SUSD1: variants seen among roughly 807,000 people sequenced by gnomAD.
SUSD1 encodes sushi domain containing 1, also known as sushi domain-containing protein 1.
SUSD1 carries 65 observed loss-of-function variants against 86.9 expected under a neutral mutation model. That is an observed-to-expected ratio of 0.75 (90% CI 0.61 to 0.92). SUSD1 has a LOEUF of 0.92. Among genes scored for constraint, SUSD1 ranks in the 40% least tolerant of loss-of-function variants. The pLI is 0.00. For synonymous variants in SUSD1, 346 were observed against 350.0 expected, an observed-to-expected ratio of 0.99 and a Z score of 0.13; for missense variants, 850 against 929.7, an observed-to-expected ratio of 0.91 and a Z score of 1.11.
intron 8 of SUSD1, among the ~76,000 whole-genome samples, chr9:112,102,964 TAGA>T (rs1349105909): frequency 1.3e-5 from 2 of 152,180 alleles, no homozygotes; most frequent in Non-Finnish European, 2.9e-5. Context: ...TAATATAGTT[TAGA>T]AGGATAGATT....
chr9:112,155,606 T>C (rs927473498), intron 2 of SUSD1, among the ~76,000 whole-genome samples: 1 of 152,032 alleles, frequency 6.6e-6, no homozygotes, highest in Non-Finnish European at 1.5e-5. Flanking sequence ...TTTTTGTTTG[T>C]TTGTTTTTAG....
intron 15 of SUSD1, among the ~76,000 whole-genome samples, chr9:112,047,043 T>A (rs1027974455): frequency 6.6e-6 from 1 of 152,150 alleles, no homozygotes; most frequent in African/African-American, 2.4e-5. Context: ...CTTCTCACAC[T>A]GCTATAAAGA....
At chr9:112,091,683 G>T (rs918449374) in intron 10 of SUSD1, among the ~76,000 whole-genome samples, 1 of 152,110 alleles carries the variant, frequency 6.6e-6, no homozygotes, top group Non-Finnish European at 1.5e-5. Flanking sequence ...CAACTATCCT[G>T]AAAGCAAAGT....
chr9:112,078,687 A>G lies in SUSD1; in HGVS notation c.1604T>C (p.Phe535Ser). 1 of 1,613,854 alleles carries G rather than the reference A, an allele frequency of 6.2e-7. No individual in the cohort carries two copies. ...IWGQRWYQKE[F>S]AQEMTFNISS... ...GATATTAAAGGTCATTTCCTGGGCA[A>G]ATTCCTTCTGATACCATCTCTGGCC... The change falls in exon 12 of 17, where the codon TTT becomes TCT. Residue 535 changes from phenylalanine to serine, a missense_variant. Phe to Ser is a radical substitution (Grantham distance 155). Coordinates refer to ENST00000374270, the MANE Select transcript of SUSD1 (RefSeq NM_022486.5).
chr9:112,123,344 C>T lies in SUSD1; in HGVS notation c.886+913G>A, dbSNP rs188331435. On this transcript the variant is annotated intron_variant, in intron 6 of 16. Transcript: ENST00000374270. Reference sequence around the variant, plus strand: ...GTGCCAGGTTCCTTTTAACAATCAGCTCTCATGTGAACTAAGAGCAAGAAC... The same window carrying T: ...GTGCCAGGTTCCTTTTAACAATCAGTTCTCATGTGAACTAAGAGCAAGAAC... Among the ~76,000 whole-genome samples, 910 of 152,178 alleles carry T rather than the reference C, an allele frequency of 6.0e-3. 25 individuals carry two copies. The highest frequency in any genetic ancestry group is 0.015 in the East Asian group (78 of 5,172).
intron 1 of SUSD1, among the ~76,000 whole-genome samples, chr9:112,158,998 A>ATT (rs55749299): frequency 7.1e-4 from 106 of 148,928 alleles, no homozygotes; most frequent in Non-Finnish European, 6.4e-4. Flanking sequence ...TACCCTACTC[A>ATT]TTTTTTTTTT....
chr9:112,076,156 C>T (rs1829504618), intron 12 of SUSD1, among the ~76,000 whole-genome samples: 1 of 152,140 alleles, frequency 6.6e-6, no homozygotes, highest in African/African-American at 2.4e-5. Context: ...TTTAAAAGAT[C>T]ACTCTGAGTG....
chr9:112,042,225 T>A (rs1390164396), intron 15 of SUSD1: 74 of 1,417,666 alleles, frequency 5.2e-5, no homozygotes, highest in Non-Finnish European at 6.9e-5. Flanking sequence ...ACAGCTAATC[T>A]TGTTGAGCAC....
At chr9:112,085,210 G>C (rs1406795593) in intron 10 of SUSD1, among the ~76,000 whole-genome samples, 2 of 152,210 alleles carry the variant, frequency 1.3e-5, no homozygotes, top group Non-Finnish European at 1.5e-5. Flanking sequence ...TAAGTACTCT[G>C]AGTAAGACAT....
intron 5 of SUSD1, among the ~76,000 whole-genome samples, chr9:112,141,606 G>A (rs761652496): frequency 1.7e-4 from 25 of 149,708 alleles, no homozygotes; most frequent in Middle Eastern, 3.4e-3. Context: ...GAACCCAGGA[G>A]GCAGAGGTTG....
intron 14 of SUSD1, among the ~76,000 whole-genome samples, chr9:112,056,431 T>C (rs1349183212): frequency 2.0e-5 from 3 of 152,198 alleles, no homozygotes; most frequent in Non-Finnish European, 4.4e-5. Context: ...AACTACACTT[T>C]AAAATGGTTA....
chr9:112,042,701 T>C (rs1827795551), intron 15 of SUSD1, among the ~76,000 whole-genome samples: 1 of 152,216 alleles, frequency 6.6e-6, no homozygotes, highest in South Asian at 2.1e-4. Context: ...CCAGACACTG[T>C]TCCAAGCACC....
chr9:112,080,698 A>AAG (rs1205946640), intron 10 of SUSD1, among the ~76,000 whole-genome samples: 1 of 151,674 alleles, frequency 6.6e-6, no homozygotes, highest in African/African-American at 2.4e-5. Context: ...AAGAAAAAAA[A>AAG]AAAAAAGAAA....
intron 6 of SUSD1, 79 bp from the exon 7 acceptor site, chr9:112,112,947 G>C (rs974560848): frequency 5.1e-5 from 42 of 818,394 alleles, no homozygotes; most frequent in Admixed American, 3.5e-4. Flanking sequence ...CAGTCTCTCT[G>C]CATAGCTGGT....
chr9:112,154,116 C>A (rs1833186069), intron 2 of SUSD1, among the ~76,000 whole-genome samples: 1 of 151,972 alleles, frequency 6.6e-6, no homozygotes, highest in Non-Finnish European at 1.5e-5. Flanking sequence ...TATCATTAAC[C>A]AAAACATCGT....
chr9:112,122,970 G>A (rs1831613575), intron 6 of SUSD1, among the ~76,000 whole-genome samples: 1 of 152,178 alleles, frequency 6.6e-6, no homozygotes, highest in African/African-American at 2.4e-5. Flanking sequence ...GGGGCAAATG[G>A]GGAGTTGTTG....
At chr9:112,169,687 T>A (rs924899392) in intron 1 of SUSD1, among the ~76,000 whole-genome samples, 11 of 151,732 alleles carry the variant, frequency 7.2e-5, no homozygotes, top group African/African-American at 2.7e-4. Context: ...TTTTTTTTTT[T>A]TTTTGAGATG....
chr9:112,091,036 T>A (rs1036697224), intron 10 of SUSD1, among the ~76,000 whole-genome samples: 3 of 152,200 alleles, frequency 2.0e-5, no homozygotes, highest in African/African-American at 7.2e-5. Flanking sequence ...CTGAGCTGGA[T>A]CTACAAGGTC....
At position 112,051,509 on chromosome 9, in the gene SUSD1, G is replaced by A. The variant is rs539310646; in HGVS notation, c.2149+890C>T. ...TACAATGGCGCGATCTCGGCTCACC[G>A]CAACCTTTGCCTCCCGGGTTCAAGT... is the stretch of plus-strand genomic sequence containing the variant. On this transcript the variant is annotated intron_variant, in intron 15 of 16. Coordinates refer to ENST00000374270, the MANE Select transcript of SUSD1 (RefSeq NM_022486.5). 6.4e-5 allele frequency among the ~76,000 whole-genome samples: 9 copies of A among 140,978 alleles called. No individual in the cohort carries two copies. The South Asian group carries it at 9.3e-4, about 15-fold the overall frequency. 92.5% of individuals were successfully genotyped at this position (140,978 alleles called of 152,430 possible).
Sources: gnomAD v4.1 joint callset for allele counts (sites outside exome capture counted in the v4.1 genomes callset) on GRCh38, gnomAD v4.1.1 for gene constraint, MANE v1.5 for transcripts, NCBI Gene and HGNC (gene_info 2026-07-23, HGNC 2026-07-21) for gene names.